The following ADAMTS19 variants were observed in gnomAD, a reference collection of about 807,000 sequenced individuals.
The protein encoded by ADAMTS19 is A disintegrin and metalloproteinase with thrombospondin motifs 19.
A neutral mutation model predicts 153.3 loss-of-function variants in ADAMTS19; 93 were observed. The ratio of observed to expected loss-of-function variants is 0.61; its 90% CI spans 0.51 to 0.72. ADAMTS19 has a LOEUF of 0.72. Among genes scored for constraint, ADAMTS19 ranks in the 30% least tolerant of loss-of-function variants. ADAMTS19 has a pLI of 0.00. For missense variants in ADAMTS19, 1,482 were observed against 1,552.1 expected (o/e 0.95, Z 0.76); for synonymous variants, 600 against 556.6 (o/e 1.08, Z -1.10).
At chr5:129,508,583 G>A (rs776856906) in intron 2 of ADAMTS19, among the ~76,000 whole-genome samples, 12 of 152,034 alleles carry the variant, frequency 7.9e-5, no homozygotes, top group South Asian at 2.1e-4. Context: ...TTTAAAATAC[G>A]TAGTAGAAGA....
chr5:129,641,801 C>A, intron 10 of ADAMTS19, 58 bp from the exon 11 acceptor site: 5 of 1,093,100 alleles, frequency 4.6e-6, no homozygotes, highest in Admixed American at 2.1e-5. Context: ...CAATGATTGG[C>A]TTCACTTAAA....
chr5:129,641,773 T>G, intron 10 of ADAMTS19, 86 bp from the exon 11 acceptor site: 1 of 730,740 alleles, frequency 1.4e-6, no homozygotes, highest in Non-Finnish European at 2.2e-6. Flanking sequence ...TGTTATTCTA[T>G]CAAAATAGCT....
intron 18 of ADAMTS19, among the ~76,000 whole-genome samples, chr5:129,691,886 G>T (rs1245472966): frequency 6.6e-6 from 1 of 152,042 alleles, no homozygotes; most frequent in African/African-American, 2.4e-5. Context: ...TATAACTAAG[G>T]TTAAATATTT....
chr5:129,654,362 T>C lies in ADAMTS19; in HGVS notation c.2233T>C (p.Ser745Pro). Residue 745 changes from serine to proline, a missense_variant, in exon 14 of 23, where the codon TCA becomes CCA. Transcript: ENST00000274487. ...TGGAAAAGAACAGCCTATTCTTCTA[T>C]CAGAAAAAGTGATGGATGGAACTTC... Reference protein sequence around the residue: ...PVGKEQPILLSEKVMDGTSCG... With the variant: ...PVGKEQPILLPEKVMDGTSCG... 5 of 1,613,214 alleles carry C rather than the reference T, an allele frequency of 3.1e-6. No individual in the cohort carries two copies. The highest frequency in any genetic ancestry group is 3.4e-6 in the Non-Finnish European group (4 of 1,179,704).
At chr5:129,658,975 C>G (rs569084144) in intron 15 of ADAMTS19, among the ~76,000 whole-genome samples, 1 of 152,228 alleles carries the variant, frequency 6.6e-6, no homozygotes, top group East Asian at 1.9e-4. Flanking sequence ...GTTGGAACAG[C>G]AAGGGAATAA....
intron 2 of ADAMTS19, among the ~76,000 whole-genome samples, chr5:129,470,843 C>T (rs538953809): frequency 5.3e-4 from 80 of 151,844 alleles, no homozygotes; most frequent in Non-Finnish European, 9.3e-4. Context: ...TATTGTTTTC[C>T]GTTTAAAATA....
At position 129,541,172 on chromosome 5, in the gene ADAMTS19, ATT is replaced by A. The variant is rs201932816; in HGVS notation, c.1329-10678_1329-10677del. 1.9e-3 allele frequency among the ~76,000 whole-genome samples: 269 copies of A among 144,332 alleles called. 1 individual carries two copies. The highest frequency in any genetic ancestry group is 6.6e-3 in the African/African-American group (260 of 39,512). The allele number at this position is 144,332 out of a possible 152,430, so 94.7% of individuals were successfully genotyped here. On this transcript the variant is annotated intron_variant, in intron 6 of 22. Transcript: ENST00000274487. ...TAGTGTTTCTGGATGAAATAACTAG[ATT>A]TTTTTTTTTTTTTGTAATGTGCTTT...
At chr5:129,565,420 T>C (rs951387240) in intron 7 of ADAMTS19, among the ~76,000 whole-genome samples, 2 of 152,192 alleles carry the variant, frequency 1.3e-5, no homozygotes, top group Non-Finnish European at 2.9e-5. Flanking sequence ...GAAGATAATA[T>C]GAAATGTGCT....
At chr5:129,729,635 G>A (rs1757352888) in intron 21 of ADAMTS19, among the ~76,000 whole-genome samples, 4 of 151,744 alleles carry the variant, frequency 2.6e-5, no homozygotes, top group Admixed American at 2.6e-4. Flanking sequence ...TTATTTCCAG[G>A]TTATGCCCAA....
intron 6 of ADAMTS19, among the ~76,000 whole-genome samples, chr5:129,535,034 A>T (rs1246467529): frequency 1.3e-5 from 2 of 152,202 alleles, no homozygotes; most frequent in Non-Finnish European, 2.9e-5. Context: ...CACCACTCCT[A>T]TTCAACATAG....
chr5:129,692,186 A>G (rs1042869275), intron 18 of ADAMTS19, among the ~76,000 whole-genome samples: 4 of 152,186 alleles, frequency 2.6e-5, no homozygotes, highest in African/African-American at 9.7e-5. Flanking sequence ...AGCTAGCATT[A>G]TACAAAATCT....
chr5:129,584,412 A>G (rs1471544685), intron 7 of ADAMTS19, among the ~76,000 whole-genome samples: 1 of 152,172 alleles, frequency 6.6e-6, no homozygotes, highest in Non-Finnish European at 1.5e-5. Context: ...CCCTTAGAAG[A>G]GCTCAAACAC....
At chr5:129,735,201 G>C (rs1757614025) in intron 22 of ADAMTS19, 92 bp downstream of exon 22, 1 of 1,244,018 alleles carries the variant, frequency 8.0e-7, no homozygotes, top group Non-Finnish European at 1.1e-6. Flanking sequence ...CTTGATAGTT[G>C]TAAATCTATA....
At chr5:129,623,924 T>C (rs28539004) in intron 10 of ADAMTS19, among the ~76,000 whole-genome samples, 1 of 150,324 alleles carries the variant, frequency 6.7e-6, no homozygotes, top group Non-Finnish European at 1.5e-5. Flanking sequence ...ATCGAGACCA[T>C]CCTGGCTAAC....
chr5:129,541,052 G>T (rs1464818020), intron 6 of ADAMTS19, among the ~76,000 whole-genome samples: 2 of 151,954 alleles, frequency 1.3e-5, no homozygotes, highest in East Asian at 1.9e-4. Context: ...CAAAGAAGTT[G>T]ATTATTGGAG....
At chr5:129,647,974 A>G (rs1753143356) in intron 12 of ADAMTS19, 79 bp downstream of exon 12, 1 of 1,468,962 alleles carries the variant, frequency 6.8e-7, no homozygotes, top group Admixed American at 2.0e-5. Flanking sequence ...AGCATGTTGG[A>G]AAGCAAAAGA....
In ADAMTS19 at chr5:129,737,337, T is replaced by C. The variant is rs1757713247; in HGVS notation, c.*119T>C. On this transcript the variant is annotated 3_prime_UTR_variant, in exon 23 of 23. Coordinates refer to ENST00000274487, the MANE Select transcript of ADAMTS19 (RefSeq NM_133638.6). ...TACATATAATTTAATCAAATTAATT[T>C]ATTTTTTTGCCTGCCAAACATCCAA... is the stretch of plus-strand genomic sequence containing the variant. 8.8e-7 allele frequency: 1 copy of C among 1,130,440 alleles called. No homozygotes were observed. Among genetic ancestry groups the C allele is most frequent in the South Asian group, 3.0e-5 (1 of 32,874 alleles). 70.0% of individuals were successfully genotyped at this position (1,130,440 alleles called of 1,614,324 possible).
At chr5:129,544,250 T>C (rs1392152856) in intron 6 of ADAMTS19, among the ~76,000 whole-genome samples, 2 of 152,170 alleles carry the variant, frequency 1.3e-5, no homozygotes, top group Non-Finnish European at 2.9e-5. Context: ...ATAAGTAAAA[T>C]AATCCCCACT....
chr5:129,573,149 T>G (rs536840525), intron 7 of ADAMTS19, among the ~76,000 whole-genome samples: 25 of 152,130 alleles, frequency 1.6e-4, no homozygotes, highest in African/African-American at 5.8e-4. Context: ...CTTTTAAAAA[T>G]ATCCATCTTC....
Sources: allele counts gnomAD v4.1 joint callset (sites outside exome capture counted in the v4.1 genomes callset), GRCh38; gene constraint gnomAD v4.1.1; transcripts MANE v1.5; gene names NCBI Gene and HGNC (gene_info 2026-07-23, HGNC 2026-07-21).